ERBB4: variants seen among roughly 807,000 people sequenced by gnomAD.
The protein encoded by ERBB4 is receptor tyrosine-protein kinase erbB-4.
ERBB4 carries 42 observed loss-of-function variants against 158.0 expected under a neutral mutation model. The observed-to-expected ratio is 0.27, with a 90% CI of 0.21 to 0.34. The LOEUF (loss-of-function observed/expected upper bound fraction) is 0.34, where lower values mean the gene tolerates loss of function less well. Ranked by LOEUF, ERBB4 falls within the 10% of genes least tolerant of loss-of-function variation. The pLI is 1.00. For synonymous variants in ERBB4, 583 were observed against 558.7 expected, an observed-to-expected ratio of 1.04 and a Z score of -0.61; for missense variants, 1,333 against 1,624.1, an observed-to-expected ratio of 0.82 and a Z score of 3.08.
chr2:212,091,200 TA>T (rs35873863), intron 2 of ERBB4, among the ~76,000 whole-genome samples: 124,672 of 147,288 alleles, frequency 0.85, 53,791 homozygotes, highest in East Asian at 0.99. Context: ...AGGAGACAGG[TA>T]AAAAAAAAAA....
intron 1 of ERBB4, 146 bp downstream of exon 1, chr2:212,538,303 A>G (rs879863740): frequency 1.3e-6 from 1 of 746,944 alleles, no homozygotes; most frequent in Non-Finnish European, 2.4e-6. Context: ...AAATGGAAAG[A>G]GGGGTGACCG....
Position 211,826,956 on chromosome 2 carries a change from T to C in ERBB4, c.422-38797A>G, listed in dbSNP as rs553681929. Among the ~76,000 whole-genome samples, 6 of 152,120 alleles carry C rather than the reference T, an allele frequency of 3.9e-5. No homozygotes were observed. In the South Asian group the frequency reaches 1.2e-3, roughly 31 times the overall value. The stretch of plus-strand genomic sequence containing the variant: ...TGTTCTTCCCTTTTGCATGTGTGTA[T>C]ATATTTAAACACATGCAGGTACACG... On this transcript the variant is annotated intron_variant, in intron 3 of 27. Transcript: ENST00000342788.
chr2:211,652,761 TAATTG>T (rs1228067805), intron 16 of ERBB4, among the ~76,000 whole-genome samples: 1 of 152,224 alleles, frequency 6.6e-6, no homozygotes, highest in African/African-American at 2.4e-5. Context: ...GCACCTAGAA[TAATTG>T]AATTGGAGCA....
At chr2:211,862,445 A>G (rs4377282) in intron 3 of ERBB4, among the ~76,000 whole-genome samples, 34,645 of 151,892 alleles carry the variant, frequency 0.23, 4,105 homozygotes, top group South Asian at 0.33. Flanking sequence ...GAGAAAAGGC[A>G]ATTTTCCAGA....
At chr2:211,883,718 G>A (rs2078723424) in intron 3 of ERBB4, among the ~76,000 whole-genome samples, 2 of 152,174 alleles carry the variant, frequency 1.3e-5, no homozygotes, top group African/African-American at 4.8e-5. Context: ...CTTGAACCCA[G>A]GAGGTGGAGG....
chr2:211,450,571 A>G (rs1212021516), intron 20 of ERBB4, among the ~76,000 whole-genome samples: 3 of 152,214 alleles, frequency 2.0e-5, no homozygotes, highest in Non-Finnish European at 4.4e-5. Flanking sequence ...GCTACTATCA[A>G]CATTACTTAA....
At chr2:211,732,749 G>A (rs1318155062) in intron 5 of ERBB4, among the ~76,000 whole-genome samples, 4 of 152,056 alleles carry the variant, frequency 2.6e-5, no homozygotes, top group African/African-American at 4.8e-5. Context: ...ACGAGGTCAC[G>A]AGTGACCAGC....
intron 1 of ERBB4, among the ~76,000 whole-genome samples, chr2:212,243,431 A>G (rs936156925): frequency 1.3e-5 from 2 of 151,886 alleles, no homozygotes; most frequent in African/African-American, 4.8e-5. Context: ...ATGACCTTGT[A>G]TCACCATATA....
intron 19 of ERBB4, among the ~76,000 whole-genome samples, chr2:211,594,504 C>G (rs1250395605): frequency 6.6e-6 from 1 of 151,220 alleles, no homozygotes; most frequent in Non-Finnish European, 1.5e-5. Context: ...TTTTGTAGAC[C>G]ATTCAGAAAT....
At chr2:211,690,388 A>G (rs1366357587) in intron 12 of ERBB4, among the ~76,000 whole-genome samples, 1 of 152,086 alleles carries the variant, frequency 6.6e-6, no homozygotes, top group Non-Finnish European at 1.5e-5. Flanking sequence ...ATCTTTCGTT[A>G]CATGCTTTGA....
intron 1 of ERBB4, among the ~76,000 whole-genome samples, chr2:212,396,930 A>G (rs1282696374): frequency 6.6e-6 from 1 of 152,202 alleles, no homozygotes. Context: ...AACAAAAAAT[A>G]AAATCATTCT....
rs112649049 is a variant in ERBB4 at position 212,379,234 on chromosome 2, C to T, written c.82+159215G>A. ...AAGTGAAGCTCATGTAACTGTTATC[C>T]TCAAAGTCATTATTAAGTTATCTTG... On this transcript the variant is annotated intron_variant, in intron 1 of 27. Transcript: ENST00000342788. 5.7e-3 allele frequency among the ~76,000 whole-genome samples: 859 copies of T among 151,714 alleles called. 11 individuals are homozygous for T. The highest frequency in any genetic ancestry group is 0.019 in the African/African-American group (798 of 41,488).
intron 3 of ERBB4, among the ~76,000 whole-genome samples, chr2:211,842,988 G>A (rs2077508640): frequency 6.6e-6 from 1 of 152,048 alleles, no homozygotes; most frequent in African/African-American, 2.4e-5. Flanking sequence ...TTATAAAACA[G>A]TTAAAATCAT....
intron 1 of ERBB4, among the ~76,000 whole-genome samples, chr2:212,208,284 C>T (rs1043782307): frequency 6.6e-6 from 1 of 152,140 alleles, no homozygotes; most frequent in African/African-American, 2.4e-5. Context: ...TAGGTTTTTA[C>T]TAACAAGTCA....
chr2:212,432,747 T>C (rs985476263), intron 1 of ERBB4, among the ~76,000 whole-genome samples: 24 of 152,176 alleles, frequency 1.6e-4, no homozygotes, highest in Admixed American at 1.0e-3. Context: ...CCCACAGAAG[T>C]TGTGAAAGGT....
rs1260923550 is a variant in ERBB4 at position 211,589,042 on chromosome 2, TGAAA to T, written c.2302-26958_2302-26955del. Among the ~76,000 whole-genome samples, 4 of 152,172 alleles carry T rather than the reference TGAAA, an allele frequency of 2.6e-5. No individual in the cohort carries two copies. The East Asian group carries it at 7.7e-4, about 29-fold the overall frequency. ...AATAAATATAACTGTGTTCAAATCC[TGAAA>T]ATCTATAATTGCAATCTGAGCTTTA... is the stretch of plus-strand genomic sequence containing the variant. On this transcript the variant is annotated intron_variant, in intron 19 of 27. Coordinates refer to ENST00000342788, the MANE Select transcript of ERBB4 (RefSeq NM_005235.3).
rs2081293217 is a variant in ERBB4, at chr2:211,965,717, T to C, written c.235-18101A>G. ...CTGAATAATTGATCTAACATTGACT[T>C]GAAAAGAAAATCCTTCTCACAGAAC... is the stretch of plus-strand genomic sequence containing the variant. On this transcript the variant is annotated intron_variant, in intron 2 of 27. Transcript: ENST00000342788. Among the ~76,000 whole-genome samples the C allele has an allele frequency of 2.0e-5, 3 of 152,254 alleles. No homozygotes were observed. In the South Asian group the frequency reaches 6.2e-4, roughly 32 times the overall value.
At position 212,162,281 on chromosome 2, in the gene ERBB4, A is replaced by G. The variant is rs928453179; in HGVS notation, c.83-37378T>C. Among the ~76,000 whole-genome samples the G allele has an allele frequency of 2.6e-5, 4 of 151,864 alleles. 1 individual carries two copies. The highest frequency in any genetic ancestry group is 9.7e-5 in the African/African-American group (4 of 41,404). The stretch of plus-strand genomic sequence containing the variant: ...CTCATACATGCACCAACATAGATAA[A>G]CCTTAAAAACATTATCTTTGAAAAA... On this transcript the variant is annotated intron_variant, in intron 1 of 27. Transcript: ENST00000342788.
chr2:212,483,272 A>T (rs1203259350), intron 1 of ERBB4, among the ~76,000 whole-genome samples: 1 of 152,224 alleles, frequency 6.6e-6, no homozygotes, highest in Non-Finnish European at 1.5e-5. Flanking sequence ...AATTAAACAG[A>T]TAATTAAGTA....
Sources: gnomAD v4.1 joint callset for allele counts (sites outside exome capture counted in the v4.1 genomes callset) on GRCh38, gnomAD v4.1.1 for gene constraint, MANE v1.5 for transcripts, NCBI Gene and HGNC (gene_info 2026-07-23, HGNC 2026-07-21) for gene names.